NRDE2: variants seen among roughly 807,000 people sequenced by gnomAD.
The protein encoded by NRDE2 is nuclear exosome regulator NRDE2.
NRDE2 carries 76 observed loss-of-function variants against 124.2 expected under a neutral mutation model. The ratio of observed to expected loss-of-function variants is 0.61; its 90% CI spans 0.51 to 0.74. NRDE2 has a LOEUF of 0.74. Ranked by LOEUF, NRDE2 falls within the 30% of genes least tolerant of loss-of-function variation. NRDE2 has a pLI of 0.00. For missense variants in NRDE2, 1,314 were observed against 1,417.3 expected (o/e 0.93, Z 1.17); for synonymous variants, 489 against 528.1 (o/e 0.93, Z 1.01).
At chr14:90,278,916 G>C in intron 13 of NRDE2, 146 bp downstream of exon 13, 1 of 686,894 alleles carries the variant, frequency 1.5e-6, no homozygotes, top group South Asian at 1.7e-5. Context: ...CCAGGAAAAG[G>C]CTCTGGATGT....
chr14:90,282,202 C>T (rs964754433), intron 12 of NRDE2, among the ~76,000 whole-genome samples: 6 of 152,176 alleles, frequency 3.9e-5, no homozygotes, highest in African/African-American at 9.7e-5. Flanking sequence ...ACAAGCCAGG[C>T]GCAGTGGCTC....
At chr14:90,322,147 G>A (rs370740945) in intron 1 of NRDE2, among the ~76,000 whole-genome samples, 6 of 152,114 alleles carry the variant, frequency 3.9e-5, no homozygotes, top group South Asian at 2.1e-4. Context: ...GGGCTCTTAC[G>A]GCAATCTTCA....
At chr14:90,328,807 G>C (rs964488801) in intron 1 of NRDE2, among the ~76,000 whole-genome samples, 1 of 152,160 alleles carries the variant, frequency 6.6e-6, no homozygotes, top group Non-Finnish European at 1.5e-5. Flanking sequence ...CAAATGACAC[G>C]GTTTCCTCAA....
Position 90,268,231 on chromosome 14 carries a change from C to A in NRDE2, c.*10105G>T, listed in dbSNP as rs139152016. 1.2e-5 allele frequency: 19 copies of A among 1,574,522 alleles called. No individual in the cohort carries two copies. The highest frequency in any genetic ancestry group is 1.6e-5 in the Non-Finnish European group (19 of 1,166,048). The stretch of plus-strand genomic sequence containing the variant: ...CTTTTTCATCCAAAATAGGTAAAAC[C>A]TTGTTAGCCAAAGCAGTAGCAAACC... On this transcript the variant is annotated 3_prime_UTR_variant, in exon 14 of 14. Coordinates refer to ENST00000354366, the MANE Select transcript of NRDE2 (RefSeq NM_017970.4).
At chr14:90,320,592 C>T (rs1388202376) in intron 1 of NRDE2, among the ~76,000 whole-genome samples, 1 of 152,148 alleles carries the variant, frequency 6.6e-6, no homozygotes, top group African/African-American at 2.4e-5. Flanking sequence ...TTCCTGACAA[C>T]AGGTACTGTT....
chr14:90,320,655 A>G (rs539661839), intron 1 of NRDE2, among the ~76,000 whole-genome samples: 6 of 152,370 alleles, frequency 3.9e-5, no homozygotes, highest in Admixed American at 2.6e-4. Flanking sequence ...GAAAGAAGGA[A>G]AAGAGGAAGG....
rs371556612 is a variant in NRDE2, at chr14:90,301,377, G to A, written c.1412-5C>T. On this transcript the variant is annotated splice_region_variant and splice_polypyrimidine_tract_variant and intron_variant, in intron 6 of 13. Transcript: ENST00000354366. Reference sequence around the variant, plus strand: ...GGCACTGCTGAAGAAAGAGTGCTGCGAACAGGAGGGCAAAGGGGAAGAAGC... The same window carrying A: ...GGCACTGCTGAAGAAAGAGTGCTGCAAACAGGAGGGCAAAGGGGAAGAAGC... 193 of 1,613,410 alleles carry A rather than the reference G, an allele frequency of 1.2e-4. No individual in the cohort carries two copies. The highest frequency in any genetic ancestry group is 1.5e-4 in the Non-Finnish European group (177 of 1,179,778).
rs1884456219 is a variant in NRDE2 at position 90,302,889 on chromosome 14, A to G, written c.1242T>C (p.Asn414=). The G allele has an allele frequency of 6.2e-7, 1 of 1,614,010 alleles. No individual in the cohort carries two copies. The highest frequency in any genetic ancestry group is 1.7e-5 in the Admixed American group (1 of 60,004). ...WQKLIFLHPN[N]TALWQKYLLF... ...AAAGGTATTTCTGCCAAAGGGCTGT[A>G]TTATTGGGATGCAAAAATATCAGTT... The change falls in exon 6 of 14, where the codon AAT becomes AAC. Residue 414 remains asparagine (N), a synonymous_variant. Transcript: ENST00000354366.
intron 1 of NRDE2, among the ~76,000 whole-genome samples, chr14:90,326,557 GA>G (rs1365347245): frequency 1.3e-5 from 2 of 151,348 alleles, no homozygotes; most frequent in African/African-American, 4.8e-5. Context: ...AGAAGGGAGG[GA>G]AAAAAAATGG....
intron 8 of NRDE2, among the ~76,000 whole-genome samples, chr14:90,293,102 T>C (rs995349089): frequency 6.6e-6 from 1 of 152,088 alleles, no homozygotes; most frequent in Non-Finnish European, 1.5e-5. Flanking sequence ...AATAGTATAG[T>C]GATTAAAATG....
Position 90,304,482 on chromosome 14 carries a change from C to T in NRDE2, c.558-100G>A, listed in dbSNP as rs556797674. 6.5e-6 allele frequency: 5 copies of T among 772,190 alleles called. No individual in the cohort carries two copies. In the East Asian group the frequency reaches 1.3e-4, roughly 20 times the overall value. The allele number at this position is 772,190 out of a possible 1,614,324, so 47.8% of individuals were successfully genotyped here. On this transcript the variant is annotated intron_variant, in intron 4 of 13. Transcript: ENST00000354366. ...CCTAAACTCTCGTTATGCAGGTTCA[C>T]TGCATATAACCAAATTCACCTCACC...
At position 90,324,913 on chromosome 14, in the gene NRDE2, C is replaced by T. The variant is rs1885364556; in HGVS notation, c.65-6800G>A. 2.0e-5 allele frequency among the ~76,000 whole-genome samples: 3 copies of T among 152,130 alleles called. 1 individual carries two copies. Among genetic ancestry groups the T allele is most frequent in the Admixed American group, 2.0e-4 (3 of 15,268 alleles). On this transcript the variant is annotated intron_variant, in intron 1 of 13. Coordinates refer to ENST00000354366, the MANE Select transcript of NRDE2 (RefSeq NM_017970.4). ...TTTTAAATAAGGACATTTAAAAGTT[C>T]TTGCAACAGTGTGGAGAGTGGCTCA...
intron 1 of NRDE2, among the ~76,000 whole-genome samples, chr14:90,319,368 C>T (rs1179097777): frequency 1.3e-5 from 2 of 152,120 alleles, no homozygotes; most frequent in Admixed American, 6.5e-5. Context: ...TAGTCATGTA[C>T]AATTTAACAG....
In NRDE2 at chr14:90,271,466, T is replaced by C. The variant is rs1205368505; in HGVS notation, c.*6870A>G. 6.6e-6 allele frequency: 1 copy of C among 152,190 alleles called. No homozygotes were observed. The highest frequency in any genetic ancestry group is 2.4e-5 in the African/African-American group (1 of 41,436). 9.4% of individuals were successfully genotyped at this position (152,190 alleles called of 1,614,324 possible). A position where few individuals can be genotyped will look rare whatever the true frequency, so the allele number is the denominator to read the frequency against. ...TTTTCTTTTACTTTGGGCCAGTAAT[T>C]ACTGAGAAATTAAATATATTGGAAT... On this transcript the variant is annotated 3_prime_UTR_variant, in exon 14 of 14. Coordinates refer to ENST00000354366, the MANE Select transcript of NRDE2 (RefSeq NM_017970.4).
At chr14:90,326,318 C>G (rs1412690634) in intron 1 of NRDE2, among the ~76,000 whole-genome samples, 1 of 151,626 alleles carries the variant, frequency 6.6e-6, no homozygotes, top group Non-Finnish European at 1.5e-5. Context: ...CAAGGTGAAA[C>G]CCCGTCTCTA....
intron 12 of NRDE2, among the ~76,000 whole-genome samples, chr14:90,283,614 CA>C (rs1892014584): frequency 6.6e-6 from 1 of 152,082 alleles, no homozygotes; most frequent in Non-Finnish European, 1.5e-5. Flanking sequence ...ATCCTGCCTG[CA>C]AGTTTCCAGC....
chr14:90,292,595 G>A, intron 9 of NRDE2, 102 bp downstream of exon 9: 1 of 1,308,406 alleles, frequency 7.6e-7, no homozygotes, highest in Non-Finnish European at 1.1e-6. Flanking sequence ...CAACTGCTAA[G>A]AGAGCTCCAG....
intron 7 of NRDE2, among the ~76,000 whole-genome samples, chr14:90,298,989 C>T (rs752965849): frequency 1.3e-5 from 2 of 152,312 alleles, no homozygotes; most frequent in Admixed American, 6.5e-5. Context: ...ACTCAATAAA[C>T]GCTTGTTGGC....
intron 11 of NRDE2, among the ~76,000 whole-genome samples, chr14:90,287,708 C>T (rs911705806): frequency 3.9e-5 from 6 of 152,142 alleles, no homozygotes; most frequent in Non-Finnish European, 8.8e-5. Flanking sequence ...GACAGAAGCT[C>T]CCAGTCATTA....
Sources: gnomAD v4.1 joint callset for allele counts (sites outside exome capture counted in the v4.1 genomes callset) on GRCh38, gnomAD v4.1.1 for gene constraint, MANE v1.5 for transcripts, NCBI Gene and HGNC (gene_info 2026-07-23, HGNC 2026-07-21) for gene names.